The following LAMC3 variants were observed in gnomAD, a reference collection of about 807,000 sequenced individuals.
The protein encoded by LAMC3 is laminin subunit gamma-3.
Under a neutral mutation model 173.8 loss-of-function variants are expected in LAMC3, and 128 were observed. That is an observed-to-expected ratio of 0.74 (90% CI 0.64 to 0.85). LAMC3 has a LOEUF of 0.85. Ranked by LOEUF, LAMC3 falls within the 40% of genes least tolerant of loss-of-function variation. The probability of loss-of-function intolerance (pLI) is 0.00; values close to 1 mark genes in which losing one functional copy is unlikely to be tolerated. For synonymous variants in LAMC3, 897 were observed against 909.1 expected, an observed-to-expected ratio of 0.99 and a Z score of 0.24; for missense variants, 2,022 against 2,156.0, an observed-to-expected ratio of 0.94 and a Z score of 1.23.
At chr9:131,013,878 C>G (rs546058563) in intron 1 of LAMC3, among the ~76,000 whole-genome samples, 3 of 152,298 alleles carry the variant, frequency 2.0e-5, no homozygotes, top group African/African-American at 4.8e-5. Context: ...AGCTGGGTCT[C>G]CTGAGCCTTG....
chr9:131,041,365 C>CAAAAAAAAA (rs1564372132), intron 6 of LAMC3, among the ~76,000 whole-genome samples: 1 of 27,024 alleles, frequency 3.7e-5, no homozygotes. Context: ...TGACTCTGTC[C>CAAAAAAAAA]CAAAAAAAAA....
intron 27 of LAMC3, 134 bp downstream of exon 27, chr9:131,087,951 T>C (rs1371412731): frequency 3.9e-6 from 3 of 769,770 alleles, no homozygotes; most frequent in Non-Finnish European, 6.7e-6. Flanking sequence ...CCCATCTTTG[T>C]GGTCAATCAC....
chr9:131,078,384 C>G (rs1050764760), intron 22 of LAMC3, among the ~76,000 whole-genome samples: 1 of 152,004 alleles, frequency 6.6e-6, no homozygotes, highest in Non-Finnish European at 1.5e-5. Flanking sequence ...CCCAACTACT[C>G]GGGAGGCTGA....
At chr9:131,069,619 G>A (rs1419907958) in intron 16 of LAMC3, 53 bp from the exon 17 acceptor site, 16 of 1,555,576 alleles carry the variant, frequency 1.0e-5, no homozygotes, top group South Asian at 4.7e-5. Flanking sequence ...AACCCAGCAC[G>A]CACTGCCCCT....
In LAMC3 at chr9:131,052,957, G is replaced by A. The variant is rs775014339; in HGVS notation, c.1931G>A (p.Ser644Asn). The change falls in exon 11 of 28, where the codon AGC becomes AAC. Residue 644 changes from serine to asparagine, a missense_variant. Physicochemically the swap from Ser to Asn is conservative, Grantham distance 46. Transcript: ENST00000361069. ...CGCCTCCGCGTCAGTCCCGGCCCCA[G>A]CCCTGCCGGTCAGTAAAGACAACCA... ...SLRLRVSPGP[S>N]PAGPVFLTEV... The A allele has an allele frequency of 6.2e-7, 1 of 1,611,936 alleles. No individual in the cohort carries two copies. The highest frequency in any genetic ancestry group is 1.1e-5 in the South Asian group (1 of 91,022).
intron 1 of LAMC3, among the ~76,000 whole-genome samples, chr9:131,015,193 G>A (rs1037429905): frequency 2.6e-5 from 4 of 152,218 alleles, no homozygotes; most frequent in Non-Finnish European, 5.9e-5. Flanking sequence ...GCTGGGCTGT[G>A]AACCCCAGGG....
intron 4 of LAMC3, among the ~76,000 whole-genome samples, 163 bp from the exon 5 acceptor site, chr9:131,038,701 G>A (rs1422339936): frequency 2.0e-5 from 3 of 152,182 alleles, no homozygotes; most frequent in Non-Finnish European, 4.4e-5. Context: ...ATTGATCAAT[G>A]TCTAGCCTTG....
chr9:131,028,385 C>G (rs548837646), intron 2 of LAMC3, among the ~76,000 whole-genome samples: 15 of 152,212 alleles, frequency 9.9e-5, no homozygotes, highest in Non-Finnish European at 1.5e-4. Context: ...CCTGCCCTCT[C>G]CTCCCCTCCA....
intron 25 of LAMC3, among the ~76,000 whole-genome samples, chr9:131,086,637 C>T (rs1428496959): frequency 7.5e-6 from 1 of 133,088 alleles, no homozygotes; most frequent in Non-Finnish European, 1.5e-5. Context: ...CCTGTAATCC[C>T]AGCACTTTGG....
chr9:131,022,700 T>C (rs1403926687), intron 1 of LAMC3, among the ~76,000 whole-genome samples: 2 of 152,038 alleles, frequency 1.3e-5, no homozygotes, highest in Non-Finnish European at 2.9e-5. Context: ...AGCTGGGATA[T>C]GCAAGCCACC....
rs769689499 is a variant in LAMC3, at chr9:131,061,060, C to T, written c.2184C>T (p.Thr728=). ...NTGICVCSHH[T]EGPSCERCLP... ...GGATCTGTGTCTGCAGCCACCATACCGAGGGCCCATCCTGTGAACGCTGTT... is the reference window on the plus strand; with the variant it reads ...GGATCTGTGTCTGCAGCCACCATACTGAGGGCCCATCCTGTGAACGCTGTT... The change falls in exon 13 of 28, where the codon ACC becomes ACT. Residue 728 remains threonine, a synonymous_variant. Coordinates refer to ENST00000361069, the MANE Select transcript of LAMC3 (RefSeq NM_006059.4). The T allele has an allele frequency of 2.0e-5, 32 of 1,614,002 alleles. No homozygotes were observed. Among genetic ancestry groups the T allele is most frequent in the Non-Finnish European group, 2.5e-5 (29 of 1,180,044 alleles).
chr9:131,058,927 TGGG>T (rs1362892193), intron 12 of LAMC3, among the ~76,000 whole-genome samples: 1 of 143,696 alleles, frequency 7.0e-6, no homozygotes, highest in African/African-American at 2.6e-5. Context: ...AGGCCAGACT[TGGG>T]CTCATGCCTG....
chr9:131,041,366 C>CAAAAAAAAAAAAAAAAA (rs10526087), intron 6 of LAMC3, among the ~76,000 whole-genome samples: 1 of 114,558 alleles, frequency 8.7e-6, no homozygotes, highest in Admixed American at 9.0e-5. Context: ...GACTCTGTCC[C>CAAAAAAAAAAAAAAAAA]AAAAAAAAAG....
intron 4 of LAMC3, among the ~76,000 whole-genome samples, chr9:131,036,604 C>T (rs535795839): frequency 6.6e-6 from 1 of 152,218 alleles, no homozygotes; most frequent in Non-Finnish European, 1.5e-5. Context: ...GGAAGGTCCC[C>T]GACTTGCTTC....
At chr9:131,025,379 G>A (rs1833697394) in intron 1 of LAMC3, among the ~76,000 whole-genome samples, 1 of 152,204 alleles carries the variant, frequency 6.6e-6, no homozygotes, top group Non-Finnish European at 1.5e-5. Context: ...TTGTGACGGA[G>A]CCAGGTCTGC....
In LAMC3 at chr9:131,019,218, C is replaced by T. The variant is rs146078285; in HGVS notation, c.374-7067C>T. On this transcript the variant is annotated intron_variant, in intron 1 of 27. Transcript: ENST00000361069. ...CGGAGGTTGAAGTGAGCCAAGATCA[C>T]GCCACTGCACTCCAGCCTAGGCAAC... Among the ~76,000 whole-genome samples the T allele has an allele frequency of 1.9e-3, 286 of 152,232 alleles. 1 individual carries two copies. Among genetic ancestry groups the T allele is most frequent in the African/African-American group, 6.4e-3 (266 of 41,530 alleles).
chr9:131,050,138 C>T (rs968718102), intron 9 of LAMC3, among the ~76,000 whole-genome samples: 1 of 152,250 alleles, frequency 6.6e-6, no homozygotes, highest in African/African-American at 2.4e-5. Context: ...CATGGCCACT[C>T]TGCTGGCATA....
chr9:131,026,468 G>A lies in LAMC3; in HGVS notation c.557G>A (p.Arg186His), dbSNP rs145176060. ...GQYLRPGEDE[R>H]VAFCTSEFSD... ...TACCTGCGCCCCGGCGAGGACGAGC[G>A]CGTGGCCTTCTGCACCTCTGAGTTC... Residue 186 changes from arginine (R) to histidine (H), a missense_variant, in exon 2 of 28, where the codon CGC becomes CAC. Transcript: ENST00000361069. The surrounding 1 kb of genome is among the most constrained non-coding windows in gnomAD (Gnocchi z 4.8). 5.0e-5 allele frequency: 80 copies of A among 1,613,506 alleles called. No individual in the cohort carries two copies. Among genetic ancestry groups the A allele is most frequent in the Middle Eastern group, 3.3e-4 (2 of 6,062 alleles).
At chr9:131,041,795 GC>G (rs1172803485) in intron 7 of LAMC3, 60 bp downstream of exon 7, 14 of 1,450,336 alleles carry the variant, frequency 9.7e-6, no homozygotes, top group Non-Finnish European at 1.2e-5. Context: ...CACTGATGAG[GC>G]ACCAAAGCTG....
Sources: gnomAD v4.1 joint callset for allele counts (sites outside exome capture counted in the v4.1 genomes callset) on GRCh38, gnomAD v4.1.1 for gene constraint, Gnocchi (gnomAD v3.1) non-coding constraint, MANE v1.5 for transcripts, NCBI Gene and HGNC (gene_info 2026-07-23, HGNC 2026-07-21) for gene names.